The following RTTN variants were observed in gnomAD, a reference collection of about 807,000 sequenced individuals.
The protein encoded by RTTN is rotatin.
A neutral mutation model predicts 269.2 loss-of-function variants in RTTN; 182 were observed. The observed-to-expected ratio is 0.68, with a 90% CI of 0.60 to 0.76. The LOEUF is 0.76. RTTN is among the 30% of genes least tolerant of loss of function. RTTN has a pLI of 0.00. For missense variants in RTTN, 2,545 were observed against 2,608.6 expected (o/e 0.98, Z 0.53); for synonymous variants, 1,006 against 963.5 (o/e 1.04, Z -0.82).
At chr18:70,017,035 T>C (rs547898415) in intron 46 of RTTN, among the ~76,000 whole-genome samples, 3 of 152,184 alleles carry the variant, frequency 2.0e-5, no homozygotes, top group South Asian at 4.1e-4. Flanking sequence ...TAACACATGG[T>C]TCCCGAGAGG....
At chr18:70,051,326 A>G in intron 39 of RTTN, 85 bp downstream of exon 39, 4 of 1,418,296 alleles carry the variant, frequency 2.8e-6, no homozygotes, top group Non-Finnish European at 3.8e-6. Context: ...ACTTAACTTT[A>G]GTGAATTTAC....
intron 28 of RTTN, among the ~76,000 whole-genome samples, chr18:70,104,022 T>G (rs1409643204): frequency 1.3e-5 from 2 of 152,222 alleles, no homozygotes; most frequent in African/African-American, 2.4e-5. Context: ...TTCCTGAATT[T>G]GAATGTTGGC....
At chr18:70,010,122 G>C (rs192301281) in intron 46 of RTTN, among the ~76,000 whole-genome samples, 4 of 152,062 alleles carry the variant, frequency 2.6e-5, no homozygotes, top group East Asian at 3.9e-4. Context: ...ACTTAGACTC[G>C]CACACAATAA....
At chr18:70,061,722 G>A (rs2144915255) in intron 35 of RTTN, among the ~76,000 whole-genome samples, 1 of 152,094 alleles carries the variant, frequency 6.6e-6, no homozygotes, top group East Asian at 1.9e-4. Context: ...CTTTAATCCT[G>A]GCTACTCGGG....
intron 34 of RTTN, among the ~76,000 whole-genome samples, 177 bp downstream of exon 34, chr18:70,073,729 T>C (rs1332299151): frequency 6.6e-6 from 1 of 152,176 alleles, no homozygotes; most frequent in Non-Finnish European, 1.5e-5. Flanking sequence ...TAAGTATCTA[T>C]AATGTATGAC....
In RTTN at chr18:70,205,154, G is replaced by A; in HGVS notation, c.193C>T (p.Leu65=). Residue 65 remains leucine, a synonymous_variant, in exon 2 of 49, where the codon CTG becomes TTG. Coordinates refer to ENST00000640769, the MANE Select transcript of RTTN (RefSeq NM_173630.4). ...TTAACCAATCTGCTTAACAGGTTCA[G>A]AACCTCTTCCTTCATCGGAACGGAC... ...FPSVPMKEEV[L]NLLSRLVKYP... is the part of the protein sequence containing the mutation. The A allele has an allele frequency of 6.2e-7, 1 of 1,614,200 alleles. No homozygotes were observed. The highest frequency in any genetic ancestry group is 8.5e-7 in the Non-Finnish European group (1 of 1,180,044).
At chr18:70,020,904 A>T (rs953810835) in intron 44 of RTTN, 87 bp from the exon 45 acceptor site, 2 of 1,097,210 alleles carry the variant, frequency 1.8e-6, no homozygotes, top group Admixed American at 4.5e-5. Context: ...TATCTGTCTA[A>T]CAAAATGACT....
intron 8 of RTTN, among the ~76,000 whole-genome samples, chr18:70,192,690 G>GA (rs1159738811): frequency 2.0e-4 from 25 of 127,972 alleles, no homozygotes; most frequent in African/African-American, 6.5e-4. Context: ...AAAAAAAAAA[G>GA]AAAAAAATCT....
intron 17 of RTTN, among the ~76,000 whole-genome samples, chr18:70,146,816 TC>T (rs1427853806): frequency 6.6e-6 from 1 of 152,184 alleles, no homozygotes; most frequent in Non-Finnish European, 1.5e-5. Context: ...AATAAATACT[TC>T]CTGAATCAAA....
At position 70,048,204 on chromosome 18, in the gene RTTN, C is replaced by T; in HGVS notation, c.5324-16G>A. 1 of 1,591,126 alleles carries T rather than the reference C, an allele frequency of 6.3e-7. No individual in the cohort carries two copies. Among genetic ancestry groups the T allele is most frequent in the Non-Finnish European group, 8.6e-7 (1 of 1,162,424 alleles). ...CAGAACATATCTAAAGGAATAATTT[C>T]AGATGTGAATGTTTGAAAATTTCTT... On this transcript the variant is annotated splice_polypyrimidine_tract_variant and intron_variant, in intron 39 of 48. Coordinates refer to ENST00000640769, the MANE Select transcript of RTTN (RefSeq NM_173630.4).
chr18:70,174,680 A>G (rs113006572), intron 11 of RTTN, among the ~76,000 whole-genome samples: 7 of 151,896 alleles, frequency 4.6e-5, no homozygotes, highest in African/African-American at 1.7e-4. Context: ...GTTTAATTAA[A>G]TGGAAAATGT....
intron 40 of RTTN, among the ~76,000 whole-genome samples, chr18:70,047,315 T>C (rs139334048): frequency 6.6e-6 from 1 of 152,310 alleles, no homozygotes; most frequent in African/African-American, 2.4e-5. Context: ...ATATTCCTAT[T>C]TGTAAAAAAC....
chr18:70,072,243 A>T (rs1167245737), intron 34 of RTTN, among the ~76,000 whole-genome samples: 2 of 152,202 alleles, frequency 1.3e-5, no homozygotes, highest in Admixed American at 1.3e-4. Flanking sequence ...TAAAAAGTAA[A>T]TTCTGTAAAA....
chr18:70,160,618 G>A (rs2060800600), intron 14 of RTTN, among the ~76,000 whole-genome samples: 1 of 142,048 alleles, frequency 7.0e-6, no homozygotes, highest in Admixed American at 7.0e-5. Flanking sequence ...ATAGGAAGAG[G>A]AAGTTAAACT....
chr18:70,087,426 A>G (rs925804079), intron 31 of RTTN, among the ~76,000 whole-genome samples: 5 of 152,322 alleles, frequency 3.3e-5, no homozygotes, highest in African/African-American at 1.2e-4. Flanking sequence ...TAGCCTTTTG[A>G]GCTTGGAACT....
chr18:70,158,891 T>C (rs139392482), intron 14 of RTTN, among the ~76,000 whole-genome samples: 1,884 of 95,924 alleles, frequency 0.02, 23 homozygotes, highest in South Asian at 0.092. Flanking sequence ...AACAAGAAGA[T>C]TTAACTATCC....
intron 21 of RTTN, 138 bp downstream of exon 21, chr18:70,139,461 A>T: frequency 1.8e-6 from 1 of 558,900 alleles, no homozygotes. Flanking sequence ...AACATTTTCC[A>T]TTTACATTAG....
chr18:70,011,249 T>A (rs1421707334), intron 46 of RTTN, among the ~76,000 whole-genome samples: 1 of 152,148 alleles, frequency 6.6e-6, no homozygotes, highest in Non-Finnish European at 1.5e-5. Context: ...GAGGCCAGCA[T>A]CATCCTGATA....
At chr18:70,120,044 G>C (rs1158214185) in intron 26 of RTTN, among the ~76,000 whole-genome samples, 1 of 152,086 alleles carries the variant, frequency 6.6e-6, no homozygotes, top group Non-Finnish European at 1.5e-5. Context: ...GGGGCCTTTG[G>C]AGGTGACTGG....
Sources: gnomAD v4.1 joint callset for allele counts (sites outside exome capture counted in the v4.1 genomes callset) on GRCh38, gnomAD v4.1.1 for gene constraint, MANE v1.5 for transcripts, NCBI Gene and HGNC (gene_info 2026-07-23, HGNC 2026-07-21) for gene names.